Variants in SEMA6D observed in about 807,000 individuals in gnomAD.
The protein encoded by SEMA6D is semaphorin-6D.
A neutral mutation model predicts 106.6 loss-of-function variants in SEMA6D; 35 were observed. The ratio of observed to expected loss-of-function variants is 0.33; its 90% CI spans 0.25 to 0.44. The LOEUF (loss-of-function observed/expected upper bound fraction) is 0.44, where lower values mean the gene tolerates loss of function less well. Among genes scored for constraint, SEMA6D ranks in the 20% least tolerant of loss-of-function variants. SEMA6D has a pLI of 1.00. For missense variants in SEMA6D, 1,185 were observed against 1,345.9 expected (o/e 0.88, Z 1.87); for synonymous variants, 499 against 487.7 (o/e 1.02, Z -0.31).
intron 1 of SEMA6D, among the ~76,000 whole-genome samples, chr15:47,236,210 C>A (rs2032528286): frequency 6.6e-6 from 1 of 152,022 alleles, no homozygotes; most frequent in African/African-American, 2.4e-5. Flanking sequence ...TTCTTAGAGT[C>A]TTTTAATCTG....
At chr15:47,368,547 T>C (rs1342805503) in intron 1 of SEMA6D, among the ~76,000 whole-genome samples, 1 of 151,992 alleles carries the variant, frequency 6.6e-6, no homozygotes, top group African/African-American at 2.4e-5. Flanking sequence ...CTCGGCTCAC[T>C]GCAAGCTCCG....
At chr15:47,542,516 C>T (rs1478419709) in intron 3 of SEMA6D, among the ~76,000 whole-genome samples, 1 of 152,178 alleles carries the variant, frequency 6.6e-6, no homozygotes, top group African/African-American at 2.4e-5. Context: ...TTATGTACAA[C>T]TCACAAGTAA....
intron 1 of SEMA6D, among the ~76,000 whole-genome samples, chr15:47,245,195 A>G (rs1266034675): frequency 6.6e-6 from 1 of 151,806 alleles, no homozygotes; most frequent in African/African-American, 2.4e-5. Flanking sequence ...GGAGTAATTT[A>G]TTTTTCTTTT....
At chr15:47,296,596 A>C (rs1595669657) in intron 1 of SEMA6D, among the ~76,000 whole-genome samples, 1 of 152,342 alleles carries the variant, frequency 6.6e-6, no homozygotes, top group African/African-American at 2.4e-5. Context: ...ATATTTTATA[A>C]CAACATAAAA....
intron 1 of SEMA6D, among the ~76,000 whole-genome samples, chr15:47,246,008 C>T (rs1310040878): frequency 3.9e-5 from 6 of 152,114 alleles, no homozygotes; most frequent in Non-Finnish European, 7.4e-5. Context: ...TGGTTTCTCA[C>T]GACCTTTCCC....
intron 3 of SEMA6D, among the ~76,000 whole-genome samples, chr15:47,480,495 CT>C (rs1219880997): frequency 6.6e-6 from 1 of 152,036 alleles, no homozygotes; most frequent in African/African-American, 2.4e-5. Flanking sequence ...TTCAATAATA[CT>C]CTTCATGAGG....
chr15:47,726,796 G>A (rs749746974), intron 1 of SEMA6D, among the ~76,000 whole-genome samples: 2 of 152,172 alleles, frequency 1.3e-5, no homozygotes, highest in Admixed American at 6.5e-5. Context: ...AATGCAGGCT[G>A]GCTCCAGAGC....
intron 1 of SEMA6D, among the ~76,000 whole-genome samples, chr15:47,328,425 A>G (rs2037216243): frequency 6.6e-6 from 1 of 152,196 alleles, no homozygotes; most frequent in Non-Finnish European, 1.5e-5. Context: ...GCAGTTAACT[A>G]GACATTACAG....
At chr15:47,751,336 C>A (rs1329715746) in intron 1 of SEMA6D, among the ~76,000 whole-genome samples, 1 of 152,156 alleles carries the variant, frequency 6.6e-6, no homozygotes, top group Non-Finnish European at 1.5e-5. Context: ...CAAGGTATAG[C>A]AATCAAGTTG....
At chr15:47,551,673 C>CTCTGTGTGTGTGTGTG (rs1555389325) in intron 3 of SEMA6D, among the ~76,000 whole-genome samples, 2 of 141,252 alleles carry the variant, frequency 1.4e-5, no homozygotes, top group African/African-American at 5.3e-5. Context: ...ATCTGGGACT[C>CTCTGTGTGTGTGTGTG]TGTGTGTGTG....
At chr15:47,510,927 T>C (rs962760587) in intron 3 of SEMA6D, among the ~76,000 whole-genome samples, 2 of 152,232 alleles carry the variant, frequency 1.3e-5, no homozygotes, top group African/African-American at 4.8e-5. Context: ...TTTATTTTTA[T>C]GACTTAGATT....
chr15:47,563,322 A>G (rs2046134200), intron 3 of SEMA6D, among the ~76,000 whole-genome samples: 1 of 152,208 alleles, frequency 6.6e-6, no homozygotes, highest in Admixed American at 6.5e-5. Flanking sequence ...AAAGTCTAAA[A>G]TTTCATTAAA....
At chr15:47,453,313 T>C (rs1378950026) in intron 2 of SEMA6D, among the ~76,000 whole-genome samples, 1 of 148,920 alleles carries the variant, frequency 6.7e-6, no homozygotes, top group East Asian at 2.0e-4. Flanking sequence ...TTTCAACAAA[T>C]GTGTTTTAAA....
chr15:47,714,532 C>T (rs998643990), upstream of SEMA6D, among the ~76,000 whole-genome samples: 4 of 152,262 alleles, frequency 2.6e-5, no homozygotes, highest in African/African-American at 9.6e-5. Context: ...TTCAGATGAC[C>T]GTTATGCTTC....
At chr15:47,667,878 G>A (rs1233863466) in intron 4 of SEMA6D, among the ~76,000 whole-genome samples, 1 of 152,158 alleles carries the variant, frequency 6.6e-6, no homozygotes, top group Non-Finnish European at 1.5e-5. Context: ...TCGTAAACTG[G>A]AGCACTGATG....
At chr15:47,621,146 T>C (rs1276246077) in intron 4 of SEMA6D, among the ~76,000 whole-genome samples, 1 of 152,182 alleles carries the variant, frequency 6.6e-6, no homozygotes, top group Admixed American at 6.5e-5. Flanking sequence ...TAGCATTTTC[T>C]CAAACTTCCC....
chr15:47,322,798 A>G (rs1284675554), intron 1 of SEMA6D, among the ~76,000 whole-genome samples: 1 of 152,156 alleles, frequency 6.6e-6, no homozygotes, highest in African/African-American at 2.4e-5. Flanking sequence ...TATTTCCCAA[A>G]TGGTGATTTT....
chr15:47,731,337 T>G (rs1419926212), intron 1 of SEMA6D, among the ~76,000 whole-genome samples: 1 of 148,592 alleles, frequency 6.7e-6, no homozygotes, highest in Non-Finnish European at 1.5e-5. Context: ...GTTGAACACA[T>G]AGAACTGAGA....
intron 4 of SEMA6D, among the ~76,000 whole-genome samples, chr15:47,647,397 T>C (rs1281357768): frequency 6.6e-6 from 1 of 152,212 alleles, no homozygotes; most frequent in Non-Finnish European, 1.5e-5. Context: ...ATTGTATTCA[T>C]GGAAGGTCTT....
Sources: allele counts gnomAD v4.1 joint callset (sites outside exome capture counted in the v4.1 genomes callset), GRCh38; gene constraint gnomAD v4.1.1; transcripts MANE v1.5; gene names NCBI Gene and HGNC (gene_info 2026-07-23, HGNC 2026-07-21).